The following SERPINA9 variants were observed in gnomAD, a reference collection of about 807,000 sequenced individuals.
The protein encoded by SERPINA9 is serpin A9.
SERPINA9 carries 32 observed loss-of-function variants against 24.5 expected under a neutral mutation model. That is an observed-to-expected ratio of 1.30 (90% confidence interval 0.98 to 1.75). The LOEUF (loss-of-function observed/expected upper bound fraction) is 1.75. SERPINA9 is among the 40% of genes most tolerant of loss of function. SERPINA9 has a pLI of 0.00. For synonymous variants in SERPINA9, 233 were observed against 197.7 expected (o/e 1.18, Z -1.50); for missense variants, 594 against 497.1 (o/e 1.19, Z -1.85).
At position 94,463,047 on chromosome 14, in the gene SERPINA9, T is replaced by C; in HGVS notation, c.*46A>G. On this transcript the variant is annotated 3_prime_UTR_variant, in exon 5 of 5. Coordinates refer to ENST00000674397, the MANE Select transcript of SERPINA9 (RefSeq NM_175739.4). ...AGAAAGAGGGATGTGGTTTGTTATT[T>C]CTTGTGCATTAGCAATGTGCCATCA... 6.8e-7 allele frequency: 1 copy of C among 1,471,680 alleles called. No individual in the cohort carries two copies. Among genetic ancestry groups the C allele is most frequent in the Non-Finnish European group, 9.5e-7 (1 of 1,050,040 alleles). The allele number at this position is 1,471,680 out of a possible 1,614,324, so 91.2% of individuals were successfully genotyped here.
chr14:94,466,502 T>C (rs1222172028), intron 3 of SERPINA9, among the ~76,000 whole-genome samples: 1 of 152,206 alleles, frequency 6.6e-6, no homozygotes, highest in Non-Finnish European at 1.5e-5. Flanking sequence ...CAAAAATATA[T>C]TGCTAAGAGA....
intron 1 of SERPINA9, among the ~76,000 whole-genome samples, chr14:94,475,494 T>A (rs2139828494): frequency 6.6e-6 from 1 of 151,644 alleles, no homozygotes; most frequent in Admixed American, 6.6e-5. Context: ...CTATCTCACA[T>A]AAAAGAGAGA....
chr14:94,469,660 A>G lies in SERPINA9; in HGVS notation c.181T>C (p.Leu61=). The part of the protein sequence containing the change: ...FAFRLYRRLV[L]ETPSQNIFFS... The stretch of plus-strand genomic sequence containing the variant: ...AAGATGTTCTGACTCGGGGTCTCCA[A>G]AACCAGCCTGCGGTATAGGCGGAAG... Residue 61 remains leucine, a synonymous_variant, in exon 2 of 5, where the codon TTG becomes CTG. Transcript: ENST00000674397. The G allele has an allele frequency of 6.2e-7, 1 of 1,614,120 alleles. No individual in the cohort carries two copies. The highest frequency in any genetic ancestry group is 8.5e-7 in the Non-Finnish European group (1 of 1,180,002).
chr14:94,473,393 C>T (rs1048654212), intron 1 of SERPINA9, among the ~76,000 whole-genome samples: 1 of 152,014 alleles, frequency 6.6e-6, no homozygotes, highest in Non-Finnish European at 1.5e-5. Context: ...GTGGCGGGCA[C>T]CTCTAGTCCC....
At chr14:94,464,347 T>A in intron 4 of SERPINA9, 1 of 286,510 alleles carries the variant, frequency 3.5e-6, no homozygotes, top group Non-Finnish European at 6.4e-6. Flanking sequence ...AGACAACACA[T>A]CTACAGGGTG....
At chr14:94,471,581 A>G (rs997227864) in intron 1 of SERPINA9, among the ~76,000 whole-genome samples, 4 of 152,110 alleles carry the variant, frequency 2.6e-5, no homozygotes, top group Admixed American at 2.6e-4. Context: ...CACTTATGTG[A>G]TTGGCGATTT....
chr14:94,462,954 T>C lies in SERPINA9; in HGVS notation c.*139A>G, dbSNP rs1898809108. The C allele has an allele frequency of 2.8e-6, 2 of 705,048 alleles. No individual in the cohort carries two copies. Among genetic ancestry groups the C allele is most frequent in the Admixed American group, 2.2e-5 (1 of 45,746 alleles). The allele number at this position is 705,048 out of a possible 1,614,324, so 43.7% of individuals were successfully genotyped here. Reference sequence around the variant, plus strand: ...GGGGTCCCTGTTGATGGTTTGGTGATTGAGCCTTGGAAGTGGCATCCCTGC... The same window carrying C: ...GGGGTCCCTGTTGATGGTTTGGTGACTGAGCCTTGGAAGTGGCATCCCTGC... On this transcript the variant is annotated 3_prime_UTR_variant, in exon 5 of 5. Transcript: ENST00000674397.
chr14:94,475,279 G>C (rs548025398), intron 1 of SERPINA9, among the ~76,000 whole-genome samples: 1 of 152,046 alleles, frequency 6.6e-6, no homozygotes, highest in East Asian at 1.9e-4. Flanking sequence ...TATCCACCCG[G>C]CAACATGTAA....
At position 94,467,224 on chromosome 14, in the gene SERPINA9, A is replaced by C; in HGVS notation, c.787T>G (p.Tyr263Asp). 6.2e-7 allele frequency: 1 copy of C among 1,614,206 alleles called. No individual in the cohort carries two copies. The change falls in exon 3 of 5, where the codon TAC becomes GAC. Residue 263 changes from tyrosine to aspartate, a missense_variant. Physicochemically the swap from Tyr to Asp is radical, Grantham distance 160 (BLOSUM62 -3). Coordinates refer to ENST00000674397, the MANE Select transcript of SERPINA9 (RefSeq NM_175739.4). ...ELNCFVLQMD[Y>D]KGDAVAFFVL... ...AAGAAGGCCACGGCATCTCCCTTGT[A>C]ATCCATCTGCAGCACAAAGCAGTTC...
At chr14:94,466,322 G>A (rs920283053) in intron 3 of SERPINA9, among the ~76,000 whole-genome samples, 25 of 152,130 alleles carry the variant, frequency 1.6e-4, no homozygotes, top group Non-Finnish European at 3.2e-4. Flanking sequence ...CTGTCCCTCA[G>A]TCCCAGCTGA....
At chr14:94,465,993 G>T (rs1344339362) in intron 3 of SERPINA9, among the ~76,000 whole-genome samples, 2 of 152,138 alleles carry the variant, frequency 1.3e-5, no homozygotes, top group Non-Finnish European at 2.9e-5. Context: ...CATCTGACAG[G>T]TGTCTTGTGA....
intron 4 of SERPINA9, 94 bp downstream of exon 4, chr14:94,464,613 C>T: frequency 9.1e-7 from 1 of 1,094,032 alleles, no homozygotes; most frequent in Non-Finnish European, 1.3e-6. Flanking sequence ...ACCTTTCAGG[C>T]CTCTGTTTCC....
chr14:94,471,358 C>T (rs1285796913), intron 1 of SERPINA9, among the ~76,000 whole-genome samples: 7 of 152,092 alleles, frequency 4.6e-5, no homozygotes, highest in Non-Finnish European at 8.8e-5. Flanking sequence ...TTGCCAAAAG[C>T]GACAAAAATA....
intron 1 of SERPINA9, among the ~76,000 whole-genome samples, chr14:94,475,610 TA>T (rs1899573159): frequency 6.6e-6 from 1 of 152,208 alleles, no homozygotes; most frequent in Admixed American, 6.5e-5. Flanking sequence ...ACTCCACCAA[TA>T]AAGCAGAGGA....
rs940046636 is a variant in SERPINA9 at position 94,467,327 on chromosome 14, C to G, written c.684G>C (p.Leu228=). The G allele has an allele frequency of 1.9e-6, 3 of 1,614,018 alleles. No individual in the cohort carries two copies. The highest frequency in any genetic ancestry group is 2.5e-6 in the Non-Finnish European group (3 of 1,179,904). The change falls in exon 3 of 5, where the codon CTG becomes CTC. Residue 228 remains leucine (L), a synonymous_variant. Coordinates refer to ENST00000674397, the MANE Select transcript of SERPINA9 (RefSeq NM_175739.4). ...PEYTRKNFPF[L]VGEQVTVHVP... is the part of the protein sequence containing the mutation. ...CATGCACAGTGACCTGCTCGCCCACCAGGAATGGGAAGTTCTTTCTTGTAT... is the reference window on the plus strand; with the variant it reads ...CATGCACAGTGACCTGCTCGCCCACGAGGAATGGGAAGTTCTTTCTTGTAT...
In SERPINA9 at chr14:94,469,302, T is replaced by A; in HGVS notation, c.539A>T (p.Lys180Ile). Residue 180 changes from lysine to isoleucine, a missense_variant, in exon 2 of 5, where the codon AAA becomes ATA. Transcript: ENST00000674397. ...IAQARINSHV[K>I]KKTQGKVVDI... ...TACAACCTTCCCTTGGGTCTTCTTTTTCACATGGCTGTTGATCCTCGCCTG... is the reference window on the plus strand; with the variant it reads ...TACAACCTTCCCTTGGGTCTTCTTTATCACATGGCTGTTGATCCTCGCCTG... The A allele has an allele frequency of 6.2e-7, 1 of 1,614,248 alleles. No individual in the cohort carries two copies. The highest frequency in any genetic ancestry group is 1.1e-5 in the South Asian group (1 of 91,086).
Position 94,464,270 on chromosome 14 carries a change from C to CCTCT in SERPINA9, c.1050+433_1050+436dup, listed in dbSNP as rs71129684. On this transcript the variant is annotated intron_variant, in intron 4 of 4. Coordinates refer to ENST00000674397, the MANE Select transcript of SERPINA9 (RefSeq NM_175739.4). ...ATCTAATATACTATGCTTTAAAACT[C>CCTCT]CTCTCTCTCTCTCTCTCTCTCTCTC... 144 of 54,388 alleles carry CCTCT rather than the reference C, an allele frequency of 2.6e-3. 2 individuals carry two copies. The highest frequency in any genetic ancestry group is 0.015 in the Middle Eastern group (2 of 136). 3.4% of individuals were successfully genotyped at this position (54,388 alleles called of 1,614,324 possible).
chr14:94,463,484 C>A (rs979236122), intron 4 of SERPINA9, among the ~76,000 whole-genome samples, 188 bp from the exon 5 acceptor site: 3 of 152,170 alleles, frequency 2.0e-5, no homozygotes, highest in Admixed American at 1.3e-4. Context: ...TTGGTCCTTA[C>A]ACCGGGATTG....
intron 1 of SERPINA9, among the ~76,000 whole-genome samples, chr14:94,473,247 TG>T (rs1335647466): frequency 6.6e-6 from 1 of 152,182 alleles, no homozygotes; most frequent in African/African-American, 2.4e-5. Flanking sequence ...GGGTGGTGGC[TG>T]GGCGCGGTGG....
Sources: allele counts gnomAD v4.1 joint callset (sites outside exome capture counted in the v4.1 genomes callset), GRCh38; gene constraint gnomAD v4.1.1; transcripts MANE v1.5; gene names NCBI Gene and HGNC (gene_info 2026-07-23, HGNC 2026-07-21).